Variants in TMEM131L observed in about 807,000 individuals in gnomAD.
TMEM131L encodes the protein transmembrane protein 131-like.
TMEM131L carries 54 observed loss-of-function variants against 192.2 expected under a neutral mutation model. The observed-to-expected ratio is 0.28, with a 90% confidence interval of 0.23 to 0.35. TMEM131L has a LOEUF of 0.35. Among genes scored for constraint, TMEM131L ranks in the 10% least tolerant of loss-of-function variants. The pLI is 1.00. For synonymous variants in TMEM131L, 701 were observed against 704.9 expected (o/e 0.99, Z 0.09); for missense variants, 1,888 against 1,972.9 (o/e 0.96, Z 0.82).
At chr4:153,603,531 G>A in intron 24 of TMEM131L, 79 bp downstream of exon 24, 2 of 1,445,188 alleles carry the variant, frequency 1.4e-6, no homozygotes, top group Non-Finnish European at 1.9e-6. Flanking sequence ...TTAATTTTAA[G>A]TAAACATAAA....
At chr4:153,475,161 GTGTT>G (rs1561110963) in intron 3 of TMEM131L, among the ~76,000 whole-genome samples, 1 of 152,170 alleles carries the variant, frequency 6.6e-6, no homozygotes, top group Non-Finnish European at 1.5e-5. Context: ...TGAAATATTG[GTGTT>G]TGTTAGGAAA....
intron 13 of TMEM131L, 86 bp from the exon 14 acceptor site, chr4:153,586,123 G>A: frequency 1.0e-6 from 1 of 986,316 alleles, no homozygotes; most frequent in Non-Finnish European, 1.4e-6. Flanking sequence ...CTGAAGTATA[G>A]AAGAATGTTA....
chr4:153,548,224 G>A (rs1021734933), intron 3 of TMEM131L, among the ~76,000 whole-genome samples: 3 of 152,174 alleles, frequency 2.0e-5, no homozygotes, highest in Non-Finnish European at 2.9e-5. Flanking sequence ...CCTCTTCTCC[G>A]ACCGTGTTCA....
intron 3 of TMEM131L, among the ~76,000 whole-genome samples, chr4:153,515,649 C>T (rs556959735): frequency 1.3e-5 from 2 of 152,286 alleles, no homozygotes; most frequent in South Asian, 2.1e-4. Flanking sequence ...TGAGGAACTG[C>T]CAAATTGTTT....
rs1467557657 is a variant in TMEM131L at position 153,616,552 on chromosome 4, A to G, written c.3567+4152A>G. Among the ~76,000 whole-genome samples, 4 of 152,254 alleles carry G rather than the reference A, an allele frequency of 2.6e-5. No homozygotes were observed. In the East Asian group the frequency reaches 7.7e-4, roughly 29 times the overall value. On this transcript the variant is annotated intron_variant, in intron 26 of 34. Coordinates refer to ENST00000409959, the MANE Select transcript of TMEM131L (RefSeq NM_001131007.2). Reference sequence around the variant, plus strand: ...AGCCCAGGTTTGGAATCCGCAAACTAAATTTTAACCCTAGCTTTGGCTTTT... The same window carrying G: ...AGCCCAGGTTTGGAATCCGCAAACTGAATTTTAACCCTAGCTTTGGCTTTT...
intron 3 of TMEM131L, among the ~76,000 whole-genome samples, chr4:153,529,687 C>T (rs1580145476): frequency 6.6e-6 from 1 of 152,154 alleles, no homozygotes; most frequent in Admixed American, 6.5e-5. Context: ...TTTTATGTCA[C>T]GCTGTGGTAT....
intron 20 of TMEM131L, among the ~76,000 whole-genome samples, chr4:153,597,881 C>T (rs1041235276): frequency 2.6e-5 from 4 of 152,160 alleles, no homozygotes; most frequent in South Asian, 4.2e-4. Flanking sequence ...TGCAGTGAGC[C>T]GTGATCATGC....
rs1216119441 is a variant in TMEM131L at position 153,582,420 on chromosome 4, G to GTTTTTTT, written c.893-767_893-761dup. Among the ~76,000 whole-genome samples the GTTTTTTT allele has an allele frequency of 1.5e-4, 12 of 81,828 alleles. 3 individuals carry two copies. Among genetic ancestry groups the GTTTTTTT allele is most frequent in the African/African-American group, 4.4e-4 (8 of 18,260 alleles). The allele number at this position is 81,828 out of a possible 152,430, so 53.7% of individuals were successfully genotyped here. A position where few individuals can be genotyped will look rare whatever the true frequency, so the allele number is the denominator to read the frequency against. On this transcript the variant is annotated intron_variant, in intron 9 of 34. Transcript: ENST00000409959. ...CCACTATGCCTGGCTAATTTAAACC[G>GTTTTTTT]TTTTTTTTTGTTGTTTTTTTTTTTT...
At chr4:153,501,836 C>T (rs1733628180) in intron 3 of TMEM131L, among the ~76,000 whole-genome samples, 1 of 152,060 alleles carries the variant, frequency 6.6e-6, no homozygotes, top group Non-Finnish European at 1.5e-5. Flanking sequence ...GGTGACTGCC[C>T]AACCCGCAGG....
At chr4:153,476,865 G>GA (rs1453101735) in intron 3 of TMEM131L, among the ~76,000 whole-genome samples, 1 of 152,166 alleles carries the variant, frequency 6.6e-6, no homozygotes, top group Admixed American at 6.5e-5. Flanking sequence ...AGATTCCATT[G>GA]AATTTATTTT....
At chr4:153,565,719 A>G (rs183102147) in intron 7 of TMEM131L, among the ~76,000 whole-genome samples, 7 of 148,658 alleles carry the variant, frequency 4.7e-5, no homozygotes, top group Admixed American at 4.6e-4. Context: ...CAACAGTAGA[A>G]AAAGAATTTG....
intron 31 of TMEM131L, among the ~76,000 whole-genome samples, chr4:153,631,540 A>G (rs747894965): frequency 1.3e-5 from 2 of 152,152 alleles, no homozygotes; most frequent in African/African-American, 2.4e-5. Flanking sequence ...CAAAGCTTTT[A>G]TAATAGGCAA....
chr4:153,608,344 G>A lies in TMEM131L; in HGVS notation c.3419-3908G>A, dbSNP rs982576527. On this transcript the variant is annotated intron_variant, in intron 25 of 34. Transcript: ENST00000409959. ...TAAACTTGTCAAACATTCGTTATACGTTCCAGAACCTCTTGGTCATCTGAC... is the reference window on the plus strand; with the variant it reads ...TAAACTTGTCAAACATTCGTTATACATTCCAGAACCTCTTGGTCATCTGAC... Among the ~76,000 whole-genome samples the A allele has an allele frequency of 2.0e-5, 3 of 152,254 alleles. No individual in the cohort carries two copies. The East Asian group carries it at 5.8e-4, about 29-fold the overall frequency.
At chr4:153,552,671 A>T (rs867745042) in intron 4 of TMEM131L, among the ~76,000 whole-genome samples, 10 of 152,052 alleles carry the variant, frequency 6.6e-5, no homozygotes, top group South Asian at 4.2e-4. Context: ...TCTCCATAAA[A>T]TTTTTTTTAA....
At position 153,604,010 on chromosome 4, in the gene TMEM131L, A is replaced by T; in HGVS notation, c.2998A>T (p.Thr1000Ser). ...CACAGCTGCGGCCAGCAGCACCAGC[A>T]CGACTACTGAGGAAAAACAGACTTC... ...TSTAAASSTS[T>S]TTEEKQTSPL... The change falls in exon 25 of 35, where the codon ACG (threonine) becomes TCG (serine). Residue 1000 changes from threonine (T) to serine (S), a missense_variant. Coordinates refer to ENST00000409959, the MANE Select transcript of TMEM131L (RefSeq NM_001131007.2). 6.2e-7 allele frequency: 1 copy of T among 1,614,162 alleles called. No homozygotes were observed. The highest frequency in any genetic ancestry group is 1.1e-5 in the South Asian group (1 of 91,084).
At chr4:153,548,022 T>C (rs2150386930) in intron 3 of TMEM131L, among the ~76,000 whole-genome samples, 1 of 139,860 alleles carries the variant, frequency 7.2e-6, no homozygotes, top group South Asian at 2.3e-4. Context: ...TTGCCTGTTT[T>C]TTTTTTTCTT....
At position 153,473,896 on chromosome 4, in the gene TMEM131L, A is replaced by G. The variant is rs1213896222; in HGVS notation, c.239+8A>G. On this transcript the variant is annotated splice_region_variant and intron_variant, in intron 3 of 34. Coordinates refer to ENST00000409959, the MANE Select transcript of TMEM131L (RefSeq NM_001131007.2). ...GCCTTCTCAAGAACAGAGGTAAGGA[A>G]AAAATGGGGGTGGAAACCTGCATGC... The G allele has an allele frequency of 6.5e-7, 1 of 1,543,546 alleles. No homozygotes were observed. The highest frequency in any genetic ancestry group is 8.8e-7 in the Non-Finnish European group (1 of 1,142,644).
intron 26 of TMEM131L, among the ~76,000 whole-genome samples, chr4:153,619,169 A>G (rs1479253870): frequency 1.3e-5 from 2 of 152,158 alleles, no homozygotes; most frequent in African/African-American, 4.8e-5. Context: ...ACTGCTTACC[A>G]GCTCACGCTT....
chr4:153,494,821 G>T (rs912529790), intron 3 of TMEM131L, among the ~76,000 whole-genome samples: 1 of 152,208 alleles, frequency 6.6e-6, no homozygotes, highest in Non-Finnish European at 1.5e-5. Context: ...CTCAGCACCA[G>T]TGGGCTTGGT....
Sources: gnomAD v4.1 joint callset for allele counts (sites outside exome capture counted in the v4.1 genomes callset) on GRCh38, gnomAD v4.1.1 for gene constraint, MANE v1.5 for transcripts, NCBI Gene and HGNC (gene_info 2026-07-23, HGNC 2026-07-21) for gene names.